Variants in TBC1D2 observed in about 807,000 individuals in gnomAD.
The protein encoded by TBC1D2 is TBC1 domain family member 2, also known as TBC1 domain family member 2A.
TBC1D2 carries 58 observed loss-of-function variants against 91.1 expected under a neutral mutation model. The observed-to-expected ratio is 0.64, with a 90% CI of 0.52 to 0.79. The LOEUF is 0.79. TBC1D2 is among the 30% of genes least tolerant of loss of function. The pLI is 0.00. For synonymous variants in TBC1D2, 482 were observed against 511.5 expected, an observed-to-expected ratio of 0.94 and a Z score of 0.78; for missense variants, 1,080 against 1,208.3, an observed-to-expected ratio of 0.89 and a Z score of 1.57.
rs1829300469 is a variant in TBC1D2, at chr9:98,228,961, C to CT, written c.968dup (p.Ser324ValfsTer31). 4 of 1,614,110 alleles carry CT rather than the reference C, an allele frequency of 2.5e-6. No homozygotes were observed. Among genetic ancestry groups the CT allele is most frequent in the Non-Finnish European group, 3.4e-6 (4 of 1,179,966 alleles). ...TGGGACCAGACCTCACCTTCTGAGACTTTAACTCCTTGGTGAGCATCAGAA... is the reference window on the plus strand; with the variant it reads ...TGGGACCAGACCTCACCTTCTGAGACTTTTAACTCCTTGGTGAGCATCAGAA... On this transcript the variant is annotated frameshift_variant, in exon 5 of 13. Coordinates refer to ENST00000465784, the MANE Select transcript of TBC1D2 (RefSeq NM_001267571.2). LOFTEE classifies it high-confidence loss of function. This position sits in a 1 kb window ranked among gnomAD's most constrained non-coding sequence, Gnocchi z 4.0.
chr9:98,254,319 T>C (rs540458271), intron 1 of TBC1D2, among the ~76,000 whole-genome samples: 1 of 152,248 alleles, frequency 6.6e-6, no homozygotes, highest in Non-Finnish European at 1.5e-5. Flanking sequence ...CATCACCTTG[T>C]GTGTGCATGT....
Position 98,228,971 on chromosome 9 carries a change from TTGGTGAG to T in TBC1D2, c.952_958del (p.Leu318ArgfsTer3), listed in dbSNP as rs748099175. ...CCTCACCTTCTGAGACTTTAACTCC[TTGGTGAG>T]CATCAGAACCTGTTGCTCCAAGGCT... On this transcript the variant is annotated frameshift_variant, in exon 5 of 13. Coordinates refer to ENST00000465784, the MANE Select transcript of TBC1D2 (RefSeq NM_001267571.2). LOFTEE classifies it high-confidence loss of function. The surrounding 1 kb of genome is among the most constrained non-coding windows in gnomAD (Gnocchi z 4.0). 96 of 1,614,084 alleles carry T rather than the reference TTGGTGAG, an allele frequency of 5.9e-5. No individual in the cohort carries two copies. Among genetic ancestry groups the T allele is most frequent in the Non-Finnish European group, 7.5e-5 (89 of 1,180,020 alleles).
intron 3 of TBC1D2, among the ~76,000 whole-genome samples, chr9:98,242,039 G>A (rs1232966294): frequency 6.6e-6 from 1 of 152,172 alleles, no homozygotes; most frequent in Non-Finnish European, 1.5e-5. Flanking sequence ...GCCAGCAGAG[G>A]GAAATACTCT....
At chr9:98,202,989 T>A (rs989708811) in intron 10 of TBC1D2, among the ~76,000 whole-genome samples, 1 of 152,260 alleles carries the variant, frequency 6.6e-6, no homozygotes, top group Non-Finnish European at 1.5e-5. Flanking sequence ...AGCCATTTTG[T>A]GACCAGGAGG....
intron 6 of TBC1D2, among the ~76,000 whole-genome samples, chr9:98,217,296 G>A: frequency 6.6e-6 from 1 of 152,260 alleles, no homozygotes. Flanking sequence ...GGGGACCAGG[G>A]AAGCAGGAGC....
intron 2 of TBC1D2, among the ~76,000 whole-genome samples, chr9:98,250,033 C>T (rs556226642): frequency 6.6e-6 from 1 of 152,196 alleles, no homozygotes; most frequent in South Asian, 2.1e-4. Context: ...ATTAATAGAA[C>T]ACAATGGAAC....
chr9:98,242,836 A>C (rs1407929157), intron 3 of TBC1D2, among the ~76,000 whole-genome samples: 1 of 101,880 alleles, frequency 9.8e-6, no homozygotes, highest in Admixed American at 1.2e-4. Context: ...TTTTTGAGAC[A>C]GGGTCTCACT....
At position 98,244,005 on chromosome 9, in the gene TBC1D2, C is replaced by A; in HGVS notation, c.636G>T (p.Gly212=). 2 of 1,606,328 alleles carry A rather than the reference C, an allele frequency of 1.2e-6. No individual in the cohort carries two copies. The highest frequency in any genetic ancestry group is 1.7e-6 in the Non-Finnish European group (2 of 1,176,600). Residue 212 remains glycine, a synonymous_variant, in exon 3 of 13, where the codon GGG becomes GGT. Coordinates refer to ENST00000465784, the MANE Select transcript of TBC1D2 (RefSeq NM_001267571.2). ...ALQNISLKHL[G]TEIQNTMHNI... ...CCACTGGCACTTACTGTATTTCAGT[C>A]CCCAGGTGCTTGAGGGAAATATTCT...
Position 98,229,069 on chromosome 9 carries a change from C to T in TBC1D2, c.861G>A (p.Gln287=), listed in dbSNP as rs752890307. 1.9e-6 allele frequency: 3 copies of T among 1,614,126 alleles called. No homozygotes were observed. Among genetic ancestry groups the T allele is most frequent in the South Asian group, 2.2e-5 (2 of 91,094 alleles). The change falls in exon 5 of 13, where the codon CAG becomes CAA. Residue 287 remains glutamine (Q), a synonymous_variant. Transcript: ENST00000465784. The part of the protein sequence containing the change: ...TISFAQKAKR[Q]NNTFPFFSEG... ...CAGAAAAGAATGGGAAGGTGTTGTT[C>T]TGGCGCTTGGCTTTCTGAGCGAAAC...
chr9:98,231,151 G>T (rs377175185), intron 4 of TBC1D2, among the ~76,000 whole-genome samples: 1 of 152,098 alleles, frequency 6.6e-6, no homozygotes, highest in East Asian at 1.9e-4. Flanking sequence ...AGAAAATAAG[G>T]CCTAAGACAG....
At chr9:98,215,377 A>C (rs1828945844) in intron 6 of TBC1D2, among the ~76,000 whole-genome samples, 1 of 152,094 alleles carries the variant, frequency 6.6e-6, no homozygotes, top group Non-Finnish European at 1.5e-5. Flanking sequence ...CTCTCACTTC[A>C]TCCTCCTAGC....
chr9:98,220,275 G>A (rs1829062774), intron 6 of TBC1D2, among the ~76,000 whole-genome samples: 1 of 152,230 alleles, frequency 6.6e-6, no homozygotes, highest in African/African-American at 2.4e-5. Context: ...GAGCACACCA[G>A]CGGCTGCCTC....
chr9:98,210,505 C>G (rs1487994383), intron 8 of TBC1D2, 151 bp downstream of exon 8: 2 of 770,452 alleles, frequency 2.6e-6, no homozygotes, highest in African/African-American at 1.8e-5. Context: ...CGTGAACCAT[C>G]TCAGCTGCAG....
chr9:98,248,128 C>G (rs1477806876), intron 2 of TBC1D2, among the ~76,000 whole-genome samples: 1 of 152,220 alleles, frequency 6.6e-6, no homozygotes, highest in Non-Finnish European at 1.5e-5. Flanking sequence ...GACTCAAACA[C>G]GTCCCTACTT....
chr9:98,207,873 G>C (rs1292113193), intron 9 of TBC1D2, among the ~76,000 whole-genome samples: 1 of 152,230 alleles, frequency 6.6e-6, no homozygotes, highest in Non-Finnish European at 1.5e-5. Flanking sequence ...GTTGTGCAGG[G>C]GTGCAGCCCT....
chr9:98,230,473 T>G (rs1045297540), intron 4 of TBC1D2, among the ~76,000 whole-genome samples: 1 of 152,156 alleles, frequency 6.6e-6, no homozygotes, highest in African/African-American at 2.4e-5. Flanking sequence ...TTAAAGGTGT[T>G]GAAAATAAGA....
chr9:98,252,433 C>T (rs1293728408), intron 1 of TBC1D2, among the ~76,000 whole-genome samples: 2 of 152,196 alleles, frequency 1.3e-5, no homozygotes, highest in Non-Finnish European at 2.9e-5. Flanking sequence ...TGAATGGAGA[C>T]TGGAAAGCCA....
intron 1 of TBC1D2, among the ~76,000 whole-genome samples, chr9:98,253,371 C>T (rs541072514): frequency 3.9e-4 from 60 of 152,334 alleles, no homozygotes; most frequent in Non-Finnish European, 7.3e-4. Flanking sequence ...CCCTTCCCCA[C>T]AGCCACAGCT....
chr9:98,212,919 G>A (rs1190906362), intron 7 of TBC1D2, among the ~76,000 whole-genome samples, 189 bp downstream of exon 7: 5 of 152,158 alleles, frequency 3.3e-5, no homozygotes, highest in Admixed American at 6.5e-5. Context: ...TGAACGCTGC[G>A]GAACAAATGA....
Sources: gnomAD v4.1 joint callset for allele counts (sites outside exome capture counted in the v4.1 genomes callset) on GRCh38, gnomAD v4.1.1 for gene constraint, Gnocchi (gnomAD v3.1) non-coding constraint, MANE v1.5 for transcripts, NCBI Gene and HGNC (gene_info 2026-07-23, HGNC 2026-07-21) for gene names.